The following TRIO variants were observed in gnomAD, a reference collection of about 807,000 sequenced individuals.
TRIO encodes trio Rho guanine nucleotide exchange factor, also known as triple functional domain protein.
A neutral mutation model predicts 351.9 loss-of-function variants in TRIO; 58 were observed. The observed-to-expected ratio is 0.16, with a 90% CI of 0.13 to 0.21. TRIO has a LOEUF of 0.21. Ranked by LOEUF, TRIO falls within the 10% of genes least tolerant of loss-of-function variation. The pLI is 1.00. For synonymous variants in TRIO, 1,758 were observed against 1,595.7 expected (o/e 1.10, Z -2.42); for missense variants, 3,201 against 4,027.8 (o/e 0.79, Z 5.56).
chr5:14,358,461 G>C (rs1743838509), intron 12 of TRIO, 114 bp downstream of exon 12: 3 of 1,258,456 alleles, frequency 2.4e-6, no homozygotes, highest in African/African-American at 3.0e-5. Context: ...GCTGAGTGCA[G>C]AGCTAGTAGT....
chr5:14,275,906 A>G (rs1180115606), intron 2 of TRIO, among the ~76,000 whole-genome samples: 1 of 148,060 alleles, frequency 6.8e-6, no homozygotes, highest in Non-Finnish European at 1.5e-5. Context: ...GTGTTTATAT[A>G]TATGTCTATA....
At chr5:14,316,390 T>C in intron 8 of TRIO, 123 bp from the exon 9 acceptor site, 1 of 915,482 alleles carries the variant, frequency 1.1e-6, no homozygotes, top group Non-Finnish European at 1.7e-6. Context: ...GGCATGTGTG[T>C]AATGTGTGTA....
At chr5:14,416,501 G>C (rs748612662) in intron 33 of TRIO, among the ~76,000 whole-genome samples, 10 of 152,108 alleles carry the variant, frequency 6.6e-5, no homozygotes, top group Non-Finnish European at 1.3e-4. Context: ...TAAAATAATT[G>C]TAGTGCCCTT....
At chr5:14,316,455 G>A in intron 8 of TRIO, 58 bp from the exon 9 acceptor site, 1 of 1,575,802 alleles carries the variant, frequency 6.3e-7, no homozygotes. Flanking sequence ...CAGCATCTGT[G>A]GCACAGCCTA....
intron 16 of TRIO, among the ~76,000 whole-genome samples, chr5:14,367,266 G>A (rs1744684361): frequency 1.3e-5 from 2 of 152,120 alleles, no homozygotes; most frequent in African/African-American, 2.4e-5. Context: ...CCTGTTGTAG[G>A]AGCCCTGGCA....
chr5:14,440,445 C>T (rs192267329), intron 34 of TRIO, among the ~76,000 whole-genome samples: 7 of 152,066 alleles, frequency 4.6e-5, no homozygotes, highest in South Asian at 2.1e-4. Flanking sequence ...GACAAGGGAG[C>T]GAACATATGG....
chr5:14,296,566 TC>T (rs1737379650), intron 6 of TRIO, among the ~76,000 whole-genome samples: 1 of 152,180 alleles, frequency 6.6e-6, no homozygotes, highest in Non-Finnish European at 1.5e-5. Flanking sequence ...CAGAATATTT[TC>T]TGTTGGCACC....
At chr5:14,233,364 T>A (rs908847985) in intron 1 of TRIO, among the ~76,000 whole-genome samples, 1 of 149,008 alleles carries the variant, frequency 6.7e-6, no homozygotes, top group African/African-American at 2.5e-5. Context: ...GTGGTGTGTG[T>A]CTGTAGTCCC....
chr5:14,439,983 G>A (rs1751894700), intron 34 of TRIO, among the ~76,000 whole-genome samples: 2 of 152,056 alleles, frequency 1.3e-5, no homozygotes, highest in South Asian at 2.1e-4. Context: ...TTCCTTTGAG[G>A]ATTTTAAAAT....
At chr5:14,409,601 A>G (rs953033313) in intron 33 of TRIO, among the ~76,000 whole-genome samples, 10 of 151,954 alleles carry the variant, frequency 6.6e-5, no homozygotes, top group Admixed American at 2.0e-4. Context: ...TAGGGAGGCC[A>G]AGGCGGGCAG....
chr5:14,317,109 G>A (rs1739443093), intron 9 of TRIO, among the ~76,000 whole-genome samples: 1 of 152,188 alleles, frequency 6.6e-6, no homozygotes, highest in Non-Finnish European at 1.5e-5. Context: ...ACAGTGAGGT[G>A]GTCATGCTTC....
intron 1 of TRIO, among the ~76,000 whole-genome samples, chr5:14,254,310 A>G (rs1794909895): frequency 6.6e-6 from 1 of 151,926 alleles, no homozygotes; most frequent in Admixed American, 6.6e-5. Context: ...CAACCTCCCA[A>G]GTAGCTGGGA....
intron 1 of TRIO, among the ~76,000 whole-genome samples, chr5:14,179,897 G>A (rs1789646963): frequency 6.6e-6 from 1 of 151,904 alleles, no homozygotes; most frequent in Admixed American, 6.5e-5. Flanking sequence ...TTTGAGACCA[G>A]CCTGGCCAAC....
At chr5:14,480,071 T>C in intron 43 of TRIO, 60 bp downstream of exon 43, 1 of 1,503,186 alleles carries the variant, frequency 6.7e-7, no homozygotes, top group Non-Finnish European at 9.2e-7. Flanking sequence ...AAAATAAGAC[T>C]CAGTTGGGGA....
intron 9 of TRIO, among the ~76,000 whole-genome samples, chr5:14,322,781 G>A (rs1045829458): frequency 3.9e-5 from 6 of 152,162 alleles, no homozygotes; most frequent in South Asian, 4.1e-4. Flanking sequence ...TCCAGCACTC[G>A]CAGTTTTGAT....
chr5:14,180,027 G>A (rs529272183), intron 1 of TRIO, among the ~76,000 whole-genome samples: 2 of 149,888 alleles, frequency 1.3e-5, no homozygotes, highest in Admixed American at 1.3e-4. Flanking sequence ...CTTGAACCCA[G>A]GAGGCGGAGG....
chr5:14,477,249 G>T lies in TRIO; in HGVS notation c.6153+286G>T, dbSNP rs1579769794. On this transcript the variant is annotated intron_variant, in intron 41 of 56. Coordinates refer to ENST00000344204, the MANE Select transcript of TRIO (RefSeq NM_007118.4). ...CAGTATCTGGGGTGTCTGTGAACAGGCAGGTATTGTTGAGTGGAGATGTAA... is the reference window on the plus strand; with the variant it reads ...CAGTATCTGGGGTGTCTGTGAACAGTCAGGTATTGTTGAGTGGAGATGTAA... 1.4e-5 allele frequency: 4 copies of T among 288,630 alleles called. No individual in the cohort carries two copies. The East Asian group carries it at 2.4e-4, about 17-fold the overall frequency. 17.9% of individuals were successfully genotyped at this position (288,630 alleles called of 1,614,324 possible).
At position 14,418,306 on chromosome 5, in the gene TRIO, A is replaced by G. The variant is rs75378365; in HGVS notation, c.4960-1472A>G. 8.7e-3 allele frequency among the ~76,000 whole-genome samples: 1,320 copies of G among 152,110 alleles called. 13 individuals are homozygous for G. Among genetic ancestry groups the G allele is most frequent in the Middle Eastern group, 0.02 (6 of 294 alleles). Reference sequence around the variant, plus strand: ...GTGTGTGAGGGTTTTGCATAAGAGGATGACGTGTTTTTAGAAGGTCTCCTG... The same window carrying G: ...GTGTGTGAGGGTTTTGCATAAGAGGGTGACGTGTTTTTAGAAGGTCTCCTG... On this transcript the variant is annotated intron_variant, in intron 33 of 56. Coordinates refer to ENST00000344204, the MANE Select transcript of TRIO (RefSeq NM_007118.4).
chr5:14,507,037 G>C (rs2126719094), intron 55 of TRIO, 85 bp from the exon 56 acceptor site: 1 of 1,466,276 alleles, frequency 6.8e-7, no homozygotes, highest in East Asian at 2.5e-5. Flanking sequence ...ACAGGTGACA[G>C]GTCCGACATG....
Sources: gnomAD v4.1 joint callset for allele counts (sites outside exome capture counted in the v4.1 genomes callset) on GRCh38, gnomAD v4.1.1 for gene constraint, MANE v1.5 for transcripts, NCBI Gene and HGNC (gene_info 2026-07-23, HGNC 2026-07-21) for gene names.